SLC35D4: variants seen among roughly 807,000 people sequenced by gnomAD.
The protein encoded by SLC35D4 is solute carrier family 35 member D4, also known as UDP-N-acetylglucosamine transporter SLC35D4.
chr18:23,270,379 T>C, the SLC35D4 span, among the ~76,000 whole-genome samples: 1 of 152,238 alleles, frequency 6.6e-6, no homozygotes, highest in Admixed American at 6.5e-5. Context: ...GGCAAAAGTT[T>C]GCTTCAGGGG....
the SLC35D4 span, among the ~76,000 whole-genome samples, chr18:23,426,624 A>G: frequency 6.6e-6 from 1 of 152,206 alleles, no homozygotes; most frequent in Non-Finnish European, 1.5e-5. Flanking sequence ...TGCCATCCCC[A>G]TCAAGCTACC....
the SLC35D4 span, among the ~76,000 whole-genome samples, chr18:23,291,384 G>A: frequency 1.6e-4 from 24 of 152,204 alleles, no homozygotes; most frequent in Non-Finnish European, 2.8e-4. Context: ...TGCATAACAC[G>A]CTGTCCCAAA....
chr18:23,362,162 T>C, the SLC35D4 span, among the ~76,000 whole-genome samples: 2 of 152,246 alleles, frequency 1.3e-5, no homozygotes, highest in African/African-American at 4.8e-5. Context: ...GTCAGACTGT[T>C]GGCCAAAATG....
At chr18:23,395,706 G>T in the SLC35D4 span, among the ~76,000 whole-genome samples, 108 of 152,334 alleles carry the variant, frequency 7.1e-4, no homozygotes, top group African/African-American at 2.6e-3. Context: ...GTCCAGCTGA[G>T]AAGGCTTTTG....
chr18:23,407,141 A>T, the SLC35D4 span, among the ~76,000 whole-genome samples: 1 of 152,204 alleles, frequency 6.6e-6, no homozygotes, highest in Admixed American at 6.5e-5. Context: ...GTCAGGCAAA[A>T]CCGGATCCAT....
At chr18:23,322,847 T>C in the SLC35D4 span, among the ~76,000 whole-genome samples, 2 of 152,232 alleles carry the variant, frequency 1.3e-5, no homozygotes, top group Non-Finnish European at 2.9e-5. Flanking sequence ...TAATTTTCCT[T>C]CAAACTCAAA....
At chr18:23,250,881 T>C in the SLC35D4 span, among the ~76,000 whole-genome samples, 3 of 152,234 alleles carry the variant, frequency 2.0e-5, no homozygotes, top group African/African-American at 7.2e-5. Context: ...TTTGCCTTTA[T>C]TCACCAGAGA....
chr18:23,410,192 T>C, the SLC35D4 span, among the ~76,000 whole-genome samples: 3 of 152,128 alleles, frequency 2.0e-5, no homozygotes, highest in Non-Finnish European at 4.4e-5. Context: ...AAAAGATATG[T>C]GCATTAGGCC....
At chr18:23,295,215 G>C in the SLC35D4 span, among the ~76,000 whole-genome samples, 2,146 of 150,394 alleles carry the variant, frequency 0.014, 53 homozygotes, top group African/African-American at 0.05. Context: ...GGCCTGTCGG[G>C]GGGTGGGGAG....
the SLC35D4 span, among the ~76,000 whole-genome samples, chr18:23,400,013 A>T: frequency 6.6e-6 from 1 of 152,244 alleles, no homozygotes; most frequent in Non-Finnish European, 1.5e-5. Context: ...TTAAAAATTG[A>T]AAAGGTTATT....
At chr18:23,358,637 T>C in the SLC35D4 span, among the ~76,000 whole-genome samples, 1 of 152,074 alleles carries the variant, frequency 6.6e-6, no homozygotes, top group South Asian at 2.1e-4. Flanking sequence ...CTCCTAGAAT[T>C]AGCGAGTCCT....
the SLC35D4 span, among the ~76,000 whole-genome samples, chr18:23,238,814 C>T: frequency 1.3e-4 from 20 of 152,306 alleles, no homozygotes; most frequent in Non-Finnish European, 2.4e-4. Flanking sequence ...GCTCCTGGCT[C>T]GAGGCTGTTT....
the SLC35D4 span, among the ~76,000 whole-genome samples, chr18:23,361,328 G>C: frequency 2.0e-5 from 3 of 151,912 alleles, no homozygotes; most frequent in South Asian, 6.2e-4. Flanking sequence ...AGACGTTCTA[G>C]ATAGCAAGTG....
chr18:23,396,742 C>T, the SLC35D4 span, among the ~76,000 whole-genome samples: 1 of 151,998 alleles, frequency 6.6e-6, no homozygotes, highest in Admixed American at 6.6e-5. Flanking sequence ...AGTGAGACCC[C>T]CATCTCTAAA....
At chr18:23,401,829 G>C in the SLC35D4 span, among the ~76,000 whole-genome samples, 1 of 152,334 alleles carries the variant, frequency 6.6e-6, no homozygotes, top group African/African-American at 2.4e-5. Context: ...CCATGGATGT[G>C]AGGAAAAGAA....
the SLC35D4 span, among the ~76,000 whole-genome samples, chr18:23,340,848 C>G: frequency 1.3e-5 from 2 of 152,262 alleles, no homozygotes; most frequent in Non-Finnish European, 2.9e-5. Flanking sequence ...CTTGCTCTTG[C>G]GCCACATAAA....
At chr18:23,358,689 T>C in the SLC35D4 span, among the ~76,000 whole-genome samples, 1 of 152,144 alleles carries the variant, frequency 6.6e-6, no homozygotes, top group South Asian at 2.1e-4. Flanking sequence ...GCACCCACTG[T>C]GTGTCAGCAC....
At chr18:23,364,227 C>T in the SLC35D4 span, among the ~76,000 whole-genome samples, 59 of 152,154 alleles carry the variant, frequency 3.9e-4, no homozygotes, top group Non-Finnish European at 3.7e-4. Flanking sequence ...TTCTCATTTT[C>T]TAGATGCGAA....
the SLC35D4 span, among the ~76,000 whole-genome samples, chr18:23,423,115 C>T: frequency 1.3e-5 from 2 of 152,200 alleles, no homozygotes; most frequent in Non-Finnish European, 2.9e-5. Flanking sequence ...CTGCTATGTG[C>T]AGCCACATTC....
Sources: gnomAD v4.1 joint callset for allele counts (sites outside exome capture counted in the v4.1 genomes callset) on GRCh38, gnomAD v4.1.1 for gene constraint, MANE v1.5 for transcripts, NCBI Gene and HGNC (gene_info 2026-07-23, HGNC 2026-07-21) for gene names.